The following S100P variants were observed in gnomAD, a reference collection of about 807,000 sequenced individuals.
The protein encoded by S100P is S100 calcium binding protein P.
S100P carries 7 observed loss-of-function variants against 4.7 expected under a neutral mutation model. That is an observed-to-expected ratio of 1.48 (90% confidence interval 0.84 to 2.77). S100P has a LOEUF of 2.77. Among genes scored for constraint, S100P ranks in the 30% most tolerant of loss-of-function variants. The pLI is 0.00. For missense variants in S100P, 122 were observed against 120.6 expected (o/e 1.01, Z -0.06); for synonymous variants, 48 against 49.0 (o/e 0.98, Z 0.08).
At chr4:6,696,325 G>T (rs58944345) in intron 1 of S100P, among the ~76,000 whole-genome samples, 2 of 152,192 alleles carry the variant, frequency 1.3e-5, no homozygotes, top group Non-Finnish European at 2.9e-5. Context: ...CTCCATGCTC[G>T]CTCCACACCT....
intron 1 of S100P, among the ~76,000 whole-genome samples, chr4:6,694,722 G>A (rs1170476936): frequency 6.6e-6 from 1 of 152,136 alleles, no homozygotes; most frequent in Non-Finnish European, 1.5e-5. Context: ...CGGCTGGGCT[G>A]AACAGAAGCC....
intron 1 of S100P, among the ~76,000 whole-genome samples, chr4:6,696,328 C>G (rs994586573): frequency 2.0e-5 from 3 of 152,222 alleles, no homozygotes; most frequent in Non-Finnish European, 4.4e-5. Flanking sequence ...CATGCTCGCT[C>G]CACACCTGGG....
In S100P at chr4:6,696,912, C is replaced by A. The variant is rs955127748; in HGVS notation, c.158C>A (p.Ala53Asp). 5.0e-6 allele frequency: 8 copies of A among 1,613,630 alleles called. No homozygotes were observed. Among genetic ancestry groups the A allele is most frequent in the Non-Finnish European group, 5.9e-6 (7 of 1,179,780 alleles). Residue 53 changes from alanine to aspartate, a missense_variant, in exon 2 of 2, where the codon GCC becomes GAC. Transcript: ENST00000296370. ...GFLQSGKDKD[A>D]VDKLLKDLDA... ...CTCTAGAGTGGAAAAGACAAGGATG[C>A]CGTGGATAAATTGCTCAAGGACCTG...
intron 1 of S100P, among the ~76,000 whole-genome samples, chr4:6,695,713 G>A (rs1256255714): frequency 2.0e-5 from 3 of 152,172 alleles, no homozygotes; most frequent in Non-Finnish European, 2.9e-5. Flanking sequence ...GAATCACCTC[G>A]GGGAGGCCCT....
chr4:6,694,718 G>C (rs1053719021), intron 1 of S100P, among the ~76,000 whole-genome samples: 1 of 152,250 alleles, frequency 6.6e-6, no homozygotes, highest in South Asian at 2.1e-4. Flanking sequence ...CCTCCGGCTG[G>C]GCTGAACAGA....
intron 1 of S100P, among the ~76,000 whole-genome samples, chr4:6,695,750 G>A (rs1714358259): frequency 6.6e-6 from 1 of 152,216 alleles, no homozygotes; most frequent in Non-Finnish European, 1.5e-5. Context: ...CCTCCCTCCG[G>A]AGGCTGCTGA....
chr4:6,695,449 A>G (rs4689521), intron 1 of S100P, among the ~76,000 whole-genome samples: 40,232 of 152,142 alleles, frequency 0.26, 5,861 homozygotes, highest in East Asian at 0.66. Context: ...TTTACATGCA[A>G]TGTAATTTCT....
At position 6,696,925 on chromosome 4, in the gene S100P, G is replaced by T. The variant is rs554095685; in HGVS notation, c.171G>T (p.Leu57Phe). The change falls in exon 2 of 2, where the codon TTG becomes TTT. Residue 57 changes from leucine (L) to phenylalanine (F), a missense_variant. Transcript: ENST00000296370. ...SGKDKDAVDK[L>F]LKDLDANGDA... ...AAGACAAGGATGCCGTGGATAAATTGCTCAAGGACCTGGACGCCAATGGAG... is the reference window on the plus strand; with the variant it reads ...AAGACAAGGATGCCGTGGATAAATTTCTCAAGGACCTGGACGCCAATGGAG... The T allele has an allele frequency of 5.1e-5, 83 of 1,614,052 alleles. No homozygotes were observed. The East Asian group carries it at 8.9e-4, about 17-fold the overall frequency.
At chr4:6,695,387 G>A (rs933323621) in intron 1 of S100P, among the ~76,000 whole-genome samples, 3 of 152,176 alleles carry the variant, frequency 2.0e-5, no homozygotes, top group Admixed American at 1.3e-4. Flanking sequence ...GAATACAGAC[G>A]CTTCCTCTCC....
intron 1 of S100P, among the ~76,000 whole-genome samples, chr4:6,696,353 T>C (rs760871220): frequency 9.9e-5 from 15 of 152,182 alleles, no homozygotes; most frequent in Non-Finnish European, 2.2e-4. Flanking sequence ...AACCCTGGCT[T>C]TCCCCGGCTC....
In S100P at chr4:6,696,916, G is replaced by A; in HGVS notation, c.162G>A (p.Val54=). ...AGAGTGGAAAAGACAAGGATGCCGT[G>A]GATAAATTGCTCAAGGACCTGGACG... ...FLQSGKDKDA[V]DKLLKDLDAN... The change falls in exon 2 of 2, where the codon GTG becomes GTA. Residue 54 remains valine, a synonymous_variant. Transcript: ENST00000296370. The A allele has an allele frequency of 2.5e-6, 4 of 1,614,006 alleles. No homozygotes were observed. The highest frequency in any genetic ancestry group is 3.4e-6 in the Non-Finnish European group (4 of 1,179,944).
At chr4:6,694,664 G>A (rs1381452424) in intron 1 of S100P, among the ~76,000 whole-genome samples, 2 of 152,286 alleles carry the variant, frequency 1.3e-5, no homozygotes, top group East Asian at 1.9e-4. Context: ...CTCACAGAAG[G>A]CCCCTCAGGG....
Position 6,696,886 on chromosome 4 carries a change from C to T in S100P, c.139-7C>T, listed in dbSNP as rs369644973. On this transcript the variant is annotated splice_region_variant and splice_polypyrimidine_tract_variant and intron_variant, in intron 1 of 1. Coordinates refer to ENST00000296370, the MANE Select transcript of S100P (RefSeq NM_005980.3). The stretch of plus-strand genomic sequence containing the variant: ...CACTGCTGACCTTGAGCCTCTCTCT[C>T]CTCTAGAGTGGAAAAGACAAGGATG... 1.8e-5 allele frequency: 29 copies of T among 1,612,114 alleles called. No individual in the cohort carries two copies. The highest frequency in any genetic ancestry group is 2.2e-5 in the Non-Finnish European group (26 of 1,178,778).
At chr4:6,696,828 T>C in intron 1 of S100P, 65 bp from the exon 2 acceptor site, 1 of 1,507,416 alleles carries the variant, frequency 6.6e-7, no homozygotes, top group East Asian at 2.3e-5. Context: ...GCAGCAGTGC[T>C]TGGTGGAGGC....
rs751759333 is a variant in S100P at position 6,696,941 on chromosome 4, G to A, written c.187G>A (p.Ala63Thr). Residue 63 changes from alanine (A) to threonine (T), a missense_variant, in exon 2 of 2, where the codon GCC (alanine) becomes ACC (threonine). Coordinates refer to ENST00000296370, the MANE Select transcript of S100P (RefSeq NM_005980.3). ...AVDKLLKDLDANGDAQVDFSE... is the reference protein window; with the variant it reads ...AVDKLLKDLDTNGDAQVDFSE... ...GGATAAATTGCTCAAGGACCTGGAC[G>A]CCAATGGAGATGCCCAGGTGGACTT... 17 of 1,613,594 alleles carry A rather than the reference G, an allele frequency of 1.1e-5. No homozygotes were observed. Among genetic ancestry groups the A allele is most frequent in the African/African-American group, 6.7e-5 (5 of 74,928 alleles).
In S100P at chr4:6,696,499, C is replaced by T. The variant is rs141580249; in HGVS notation, c.139-394C>T. Among the ~76,000 whole-genome samples the T allele has an allele frequency of 4.3e-3, 649 of 152,294 alleles. 2 individuals are homozygous for T. The highest frequency in any genetic ancestry group is 0.015 in the African/African-American group (606 of 41,554). ...GTAAGCAGCTAGTTCAGTGCCAGCA[C>T]GAGATGGGAGGCCCATGAAGTTAGC... On this transcript the variant is annotated intron_variant, in intron 1 of 1. Transcript: ENST00000296370.
rs199530242 is a variant in S100P, at chr4:6,697,074, G to T, written c.*32G>T. The T allele has an allele frequency of 5.1e-5, 82 of 1,594,092 alleles. No homozygotes were observed. The African/African-American group carries it at 9.7e-4, about 19-fold the overall frequency. ...GGAGATGTCACAGATTCCTGGCAGA[G>T]CCATGGTCCCAGGCTTCCCAAAAGT... On this transcript the variant is annotated 3_prime_UTR_variant, in exon 2 of 2. Transcript: ENST00000296370.
Position 6,694,019 on chromosome 4 carries a change from C to T in S100P, c.87C>T (p.Thr29=). 6.2e-7 allele frequency: 1 copy of T among 1,613,926 alleles called. No homozygotes were observed. Among genetic ancestry groups the T allele is most frequent in the Non-Finnish European group, 8.5e-7 (1 of 1,179,958 alleles). Residue 29 remains threonine (T), a synonymous_variant, in exon 1 of 2, where the codon ACC becomes ACT. Transcript: ENST00000296370. The stretch of plus-strand genomic sequence containing the variant: ...GCGAGGGCAGCACGCAGACCCTGAC[C>T]AAGGGGGAGCTCAAGGTGCTGATGG... ...SGSEGSTQTL[T]KGELKVLMEK...
intron 1 of S100P, among the ~76,000 whole-genome samples, chr4:6,694,273 A>G (rs1714316351): frequency 6.6e-6 from 1 of 152,228 alleles, no homozygotes; most frequent in Non-Finnish European, 1.5e-5. Context: ...GCATCTGAGC[A>G]GGGAGAGGGT....
Sources: allele counts gnomAD v4.1 joint callset (sites outside exome capture counted in the v4.1 genomes callset), GRCh38; gene constraint gnomAD v4.1.1; transcripts MANE v1.5; gene names NCBI Gene and HGNC (gene_info 2026-07-23, HGNC 2026-07-21).